CIMAP1B: variants seen among roughly 807,000 people sequenced by gnomAD.
CIMAP1B encodes the protein orf2 5' to PD-ECGF/TP.
At chr22:50,531,612 C>A in the CIMAP1B span, 2 of 1,405,592 alleles carry the variant, frequency 1.4e-6, no homozygotes, top group Non-Finnish European at 1.8e-6. Context: ...CGTGGGCGGC[C>A]GTAGATGGAG....
At chr22:50,530,438 GACTTTAAGCAA>G in the CIMAP1B span, 1 of 1,542,248 alleles carries the variant, frequency 6.5e-7, no homozygotes, top group Admixed American at 1.9e-5. Context: ...CGGACTCGCA[GACTTTAAGCAA>G]ACACGTGTGG....
At chr22:50,531,418 G>A in the CIMAP1B span, 1 of 1,091,884 alleles carries the variant, frequency 9.2e-7, no homozygotes, top group East Asian at 2.6e-5. Context: ...CGTGGGGTTC[G>A]GGGTTTGGGA....
At chr22:50,531,332 G>A in the CIMAP1B span, 1 of 1,511,224 alleles carries the variant, frequency 6.6e-7, no homozygotes, top group East Asian at 2.3e-5. Context: ...GGCTAGAACT[G>A]CGTGGGAGCC....
the CIMAP1B span, chr22:50,531,805 C>T: frequency 1.5e-6 from 2 of 1,349,410 alleles, no homozygotes; most frequent in African/African-American, 3.1e-5. Context: ...TCTGGCCGGG[C>T]CCAGCCCCAA....
At chr22:50,532,260 T>G in the CIMAP1B span, 3 of 833,176 alleles carry the variant, frequency 3.6e-6, no homozygotes, top group Non-Finnish European at 4.8e-6. Flanking sequence ...CCTTCCCGGC[T>G]GTGTGGAGCT....
chr22:50,530,759 G>A, the CIMAP1B span: 61 of 1,610,114 alleles, frequency 3.8e-5, no homozygotes, highest in Non-Finnish European at 4.8e-5. Flanking sequence ...GTGTTGTCTT[G>A]GGGGAGCGAA....
chr22:50,531,195 G>A, the CIMAP1B span: 1 of 1,612,186 alleles, frequency 6.2e-7, no homozygotes, highest in Non-Finnish European at 8.5e-7. Context: ...CCTCACCTGG[G>A]CTCTGCTGTT....
chr22:50,531,836 C>T, the CIMAP1B span: 1 of 1,336,036 alleles, frequency 7.5e-7, no homozygotes, highest in Non-Finnish European at 9.6e-7. Context: ...CAACACGGAC[C>T]CTCCCCCGGC....
chr22:50,531,174 G>C, the CIMAP1B span: 2 of 1,606,684 alleles, frequency 1.2e-6, no homozygotes, highest in Non-Finnish European at 1.7e-6. Context: ...TTCTGGGATG[G>C]GCCGTTCTGA....
At chr22:50,532,058 A>G in the CIMAP1B span, 1 of 1,347,500 alleles carries the variant, frequency 7.4e-7, no homozygotes, top group Non-Finnish European at 9.6e-7. Flanking sequence ...CCAAAGGCCC[A>G]CCCAGGCGTC....
the CIMAP1B span, chr22:50,530,980 T>C: frequency 5.0e-6 from 8 of 1,611,008 alleles, no homozygotes; most frequent in South Asian, 6.6e-5. Flanking sequence ...TCTGCGGCCG[T>C]AGATGGAGCA....
At chr22:50,530,640 G>C in the CIMAP1B span, 6 of 1,582,888 alleles carry the variant, frequency 3.8e-6, no homozygotes, top group African/African-American at 8.1e-5. Context: ...CGGGGACTCT[G>C]ATCCCATCAC....
the CIMAP1B span, chr22:50,531,626 G>GCGGGGGCGCCGT: frequency 1.4e-6 from 2 of 1,391,006 alleles, no homozygotes; most frequent in East Asian, 2.9e-5. Flanking sequence ...GATGGAGTAG[G>GCGGGGGCGCCGT]CGGGGGCGCC....
At chr22:50,530,748 A>G in the CIMAP1B span, 2 of 1,609,296 alleles carry the variant, frequency 1.2e-6, no homozygotes, top group African/African-American at 2.7e-5. Flanking sequence ...CTGGCTTCCG[A>G]GTGTTGTCTT....
the CIMAP1B span, chr22:50,531,988 G>A: frequency 7.4e-7 from 1 of 1,349,826 alleles, no homozygotes; most frequent in Non-Finnish European, 9.6e-7. Flanking sequence ...GCGGCAGCTT[G>A]TATTTGGGCC....
At chr22:50,531,485 C>T in the CIMAP1B span, 2 of 1,230,674 alleles carry the variant, frequency 1.6e-6, no homozygotes, top group Non-Finnish European at 2.2e-6. Flanking sequence ...CCGAGGGGGA[C>T]TCGGGGTTCA....
At chr22:50,530,598 G>C in the CIMAP1B span, 7 of 1,565,396 alleles carry the variant, frequency 4.5e-6, no homozygotes, top group African/African-American at 1.4e-5. Context: ...CGCGGGGCCG[G>C]CATCCTCTCC....
chr22:50,530,992 G>A, the CIMAP1B span: 1 of 1,611,318 alleles, frequency 6.2e-7, no homozygotes, highest in South Asian at 1.1e-5. Flanking sequence ...GATGGAGCAA[G>A]TTGGGGCGGA....
At chr22:50,531,274 G>A in the CIMAP1B span, 1 of 1,609,376 alleles carries the variant, frequency 6.2e-7, no homozygotes, top group African/African-American at 1.3e-5. Flanking sequence ...CGCGTTCCCC[G>A]CTCGCTCCGG....
Sources: gnomAD v4.1 joint callset for allele counts on GRCh38, gnomAD v4.1.1 for gene constraint, MANE v1.5 for transcripts, NCBI Gene and HGNC (gene_info 2026-07-23, HGNC 2026-07-21) for gene names.